Variants in ADGRG6 observed in about 807,000 individuals in gnomAD.
ADGRG6 encodes adhesion G protein-coupled receptor G6, also known as G-protein coupled receptor 126.
A neutral mutation model predicts 142.4 loss-of-function variants in ADGRG6; 84 were observed. The ratio of observed to expected loss-of-function variants is 0.59; its 90% CI spans 0.49 to 0.71. The LOEUF is 0.71. Among genes scored for constraint, ADGRG6 ranks in the 30% least tolerant of loss-of-function variants. The probability of loss-of-function intolerance (pLI) is 0.00; values close to 1 mark genes in which losing one functional copy is unlikely to be tolerated. For missense variants in ADGRG6, 1,367 were observed against 1,466.6 expected, an observed-to-expected ratio of 0.93 and a Z score of 1.11; for synonymous variants, 521 against 520.5, an observed-to-expected ratio of 1.00 and a Z score of -0.01.
At chr6:142,354,139 AAAT>A (rs1248852053) in intron 2 of ADGRG6, among the ~76,000 whole-genome samples, 46 of 152,202 alleles carry the variant, frequency 3.0e-4, no homozygotes, top group African/African-American at 9.7e-5. Context: ...AGATATTTAA[AAAT>A]AATAAATAAT....
At chr6:142,405,185 T>C (rs1294338135) in intron 14 of ADGRG6, 1 of 363,380 alleles carries the variant, frequency 2.8e-6, no homozygotes, top group Non-Finnish European at 5.4e-6. Context: ...TCCGTCTCAT[T>C]CCAAGACAAT....
At chr6:142,409,402 T>C (rs1775971525) in intron 16 of ADGRG6, among the ~76,000 whole-genome samples, 1 of 152,186 alleles carries the variant, frequency 6.6e-6, no homozygotes, top group Non-Finnish European at 1.5e-5. Flanking sequence ...TTTGTTTGTC[T>C]ATTCCTCATT....
At chr6:142,342,154 C>T (rs1376375299) in intron 2 of ADGRG6, among the ~76,000 whole-genome samples, 2 of 151,550 alleles carry the variant, frequency 1.3e-5, no homozygotes, top group African/African-American at 2.4e-5. Flanking sequence ...AGCAAGGGAG[C>T]GGGATTATTG....
Position 142,386,651 on chromosome 6 carries a change from C to T in ADGRG6, c.1222+2808C>T, listed in dbSNP as rs559562657. On this transcript the variant is annotated intron_variant, in intron 6 of 24. Transcript: ENST00000367609. ...GCTTTCATACTGTATCACTTATTGT[C>T]GTGCATTTATATGATTATCTTATAC... Among the ~76,000 whole-genome samples the T allele has an allele frequency of 7.9e-5, 12 of 152,210 alleles. No individual in the cohort carries two copies. The South Asian group carries it at 2.1e-3, about 26-fold the overall frequency.
At chr6:142,390,882 T>C (rs1774859198) in intron 7 of ADGRG6, among the ~76,000 whole-genome samples, 1 of 151,870 alleles carries the variant, frequency 6.6e-6, no homozygotes, top group Non-Finnish European at 1.5e-5. Context: ...CCTTCTTTTT[T>C]ACACGAAAAG....
rs750228405 is a variant in ADGRG6 at position 142,370,299 on chromosome 6, T to C, written c.575T>C (p.Val192Ala). ...AFTLCFEATKVGHEDSDWTAF... is the reference protein window; with the variant it reads ...AFTLCFEATKAGHEDSDWTAF... ...ACACTCTGCTTTGAAGCAACCAAAG[T>C]TGGCCATGAAGACAGTGATTGGACA... is the stretch of plus-strand genomic sequence containing the variant. The change falls in exon 4 of 25, where the codon GTT becomes GCT. Residue 192 changes from valine (V) to alanine (A), a missense_variant. Val to Ala is a moderately conservative substitution (Grantham distance 64). Around this residue, in one of 3 missense-constraint regions of ADGRG6, gnomAD observed 737 missense variants for 746.5 expected, o/e 0.99. Transcript: ENST00000367609. The C allele has an allele frequency of 6.2e-6, 10 of 1,613,778 alleles. No homozygotes were observed. Among genetic ancestry groups the C allele is most frequent in the Admixed American group, 3.3e-5 (2 of 59,984 alleles).
At chr6:142,323,871 A>G (rs1338352398) in intron 2 of ADGRG6, among the ~76,000 whole-genome samples, 1 of 152,086 alleles carries the variant, frequency 6.6e-6, no homozygotes, top group East Asian at 1.9e-4. Flanking sequence ...TATGGGGTGC[A>G]TGGCTGTATA....
chr6:142,334,042 G>A (rs1013572124), intron 2 of ADGRG6, among the ~76,000 whole-genome samples: 1 of 152,178 alleles, frequency 6.6e-6, no homozygotes, highest in African/African-American at 2.4e-5. Context: ...TTGTCTGAAG[G>A]AAGAAAGTCG....
At chr6:142,304,622 A>G (rs1310471108) in intron 1 of ADGRG6, among the ~76,000 whole-genome samples, 3 of 152,218 alleles carry the variant, frequency 2.0e-5, no homozygotes, top group Admixed American at 2.0e-4. Flanking sequence ...ATAAACTAAT[A>G]ACTGCTTTTT....
intron 6 of ADGRG6, 56 bp downstream of exon 6, chr6:142,383,899 C>A: frequency 1.1e-6 from 1 of 872,066 alleles, no homozygotes; most frequent in South Asian, 1.4e-5. Flanking sequence ...AAATTGTATT[C>A]TAAGGATGGA....
chr6:142,421,893 T>G (rs1776668637), intron 22 of ADGRG6, among the ~76,000 whole-genome samples: 2 of 152,146 alleles, frequency 1.3e-5, no homozygotes, highest in African/African-American at 4.8e-5. Context: ...AAAATTTAAA[T>G]TAAAAGGCAG....
chr6:142,391,434 TACACACACACACACACAC>T (rs35253608), intron 7 of ADGRG6, among the ~76,000 whole-genome samples: 4 of 132,464 alleles, frequency 3.0e-5, no homozygotes, highest in African/African-American at 1.1e-4. Flanking sequence ...AAGTGGTAGC[TACACACACACACACACAC>T]ACACACACAC....
At chr6:142,384,282 G>A (rs1053986446) in intron 6 of ADGRG6, among the ~76,000 whole-genome samples, 1 of 151,940 alleles carries the variant, frequency 6.6e-6, no homozygotes, top group Admixed American at 6.6e-5. Context: ...GAACTTTATG[G>A]TCATATATTT....
intron 22 of ADGRG6, among the ~76,000 whole-genome samples, chr6:142,431,660 C>T (rs760219782): frequency 5.9e-5 from 9 of 152,054 alleles, no homozygotes; most frequent in Non-Finnish European, 8.8e-5. Context: ...TGCGGTGGCT[C>T]ACGCATGTAA....
rs1160299330 is a variant in ADGRG6 at position 142,445,660 on chromosome 6, A to C, written c.*2145A>C. ...AATTAAGAAATTGCTCAAGGGAAAC[A>C]TTTGTAAATGGATTTGAAAGATTGA... On this transcript the variant is annotated 3_prime_UTR_variant, in exon 25 of 25. Transcript: ENST00000367609. The C allele has an allele frequency of 6.6e-6, 1 of 152,176 alleles. No individual in the cohort carries two copies. The highest frequency in any genetic ancestry group is 1.5e-5 in the Non-Finnish European group (1 of 68,012). 9.4% of individuals were successfully genotyped at this position (152,176 alleles called of 1,614,324 possible).
At chr6:142,371,571 T>C (rs145911500) in intron 4 of ADGRG6, among the ~76,000 whole-genome samples, 2,538 of 150,332 alleles carry the variant, frequency 0.017, 83 homozygotes, top group African/African-American at 0.058. Flanking sequence ...CTGCAAGCTC[T>C]GCCTCCCAGA....
intron 2 of ADGRG6, among the ~76,000 whole-genome samples, chr6:142,312,139 G>A (rs1025351179): frequency 6.6e-6 from 1 of 151,950 alleles, no homozygotes; most frequent in African/African-American, 2.4e-5. Flanking sequence ...TTTTTGTCTT[G>A]TTTGTTAATG....
chr6:142,375,339 A>G (rs969059935), intron 4 of ADGRG6, among the ~76,000 whole-genome samples: 26 of 152,188 alleles, frequency 1.7e-4, no homozygotes, highest in African/African-American at 5.1e-4. Flanking sequence ...TCTAACTTTT[A>G]TAGTGATCTT....
intron 2 of ADGRG6, among the ~76,000 whole-genome samples, chr6:142,365,490 A>G (rs1380343265): frequency 1.3e-5 from 2 of 152,172 alleles, no homozygotes; most frequent in Non-Finnish European, 1.5e-5. Context: ...TTGAGTTCAC[A>G]AAGTAGTGGA....
Sources: gnomAD v4.1 joint callset for allele counts (sites outside exome capture counted in the v4.1 genomes callset) on GRCh38, gnomAD v4.1.1 for gene constraint, gnomAD v4.1.1 regional missense constraint, MANE v1.5 for transcripts, NCBI Gene and HGNC (gene_info 2026-07-23, HGNC 2026-07-21) for gene names.